TPR: variants seen among roughly 807,000 people sequenced by gnomAD.
TPR encodes nucleoprotein TPR.
Under a neutral mutation model 316.1 loss-of-function variants are expected in TPR, and 51 were observed. That is an observed-to-expected ratio of 0.16 (90% CI 0.13 to 0.20). The LOEUF (loss-of-function observed/expected upper bound fraction) is 0.20. Ranked by LOEUF, TPR falls within the 10% of genes least tolerant of loss-of-function variation. The pLI is 1.00. For synonymous variants in TPR, 981 were observed against 914.7 expected (o/e 1.07, Z -1.31); for missense variants, 2,272 against 2,754.8 (o/e 0.82, Z 3.92).
rs762807218 is a variant in TPR at position 186,347,355 on chromosome 1, G to A, written c.2880C>T (p.Ser960=). The A allele has an allele frequency of 8.7e-6, 14 of 1,613,928 alleles. No individual in the cohort carries two copies. The highest frequency in any genetic ancestry group is 1.7e-4 in the Middle Eastern group (1 of 6,058). ...CCATTGCTTGATATTGTTCCACATT[G>A]CTCGTACTTGTTTTGAGTCTCTCCT... The part of the protein sequence containing the change: ...DLKERLKTST[S]NVEQYQAMVT... The change falls in exon 22 of 51, where the codon AGC becomes AGT. Residue 960 remains serine (S), a synonymous_variant. Coordinates refer to ENST00000367478, the MANE Select transcript of TPR (RefSeq NM_003292.3).
rs918301815 is a variant in TPR at position 186,311,847 on chromosome 1, A to G, written c.*2124T>C. On this transcript the variant is annotated 3_prime_UTR_variant, in exon 51 of 51. Coordinates refer to ENST00000367478, the MANE Select transcript of TPR (RefSeq NM_003292.3). ...AATGTCATTTACTTTCGCTTCACAA[A>G]TGTGCATGTCATCCTTGCACAAGGG... 1.7e-6 allele frequency: 1 copy of G among 572,846 alleles called. No individual in the cohort carries two copies. The highest frequency in any genetic ancestry group is 2.1e-5 in the South Asian group (1 of 48,000). The allele number at this position is 572,846 out of a possible 1,614,324, so 35.5% of individuals were successfully genotyped here.
chr1:186,346,374 GAAGT>G, intron 22 of TPR, 87 bp from the exon 23 acceptor site: 5 of 1,299,038 alleles, frequency 3.8e-6, no homozygotes, highest in Non-Finnish European at 5.2e-6. Context: ...ACTAATTTGA[GAAGT>G]AATAAAATTA....
At chr1:186,359,657 G>A in intron 12 of TPR, 142 bp downstream of exon 12, 1 of 768,226 alleles carries the variant, frequency 1.3e-6, no homozygotes, top group Non-Finnish European at 2.0e-6. Flanking sequence ...GAGATCAGCA[G>A]TGTTTAATAA....
chr1:186,362,741 T>C (rs1364767982), intron 6 of TPR, 96 bp downstream of exon 6: 2 of 1,107,190 alleles, frequency 1.8e-6, no homozygotes, highest in African/African-American at 1.6e-5. Context: ...ATCTTACAAC[T>C]AATCAGGTAC....
Position 186,346,003 on chromosome 1 carries a change from ATAAAAC to A in TPR, c.3096+126_3096+131del, listed in dbSNP as rs1360030520. On this transcript the variant is annotated intron_variant, in intron 23 of 50. Transcript: ENST00000367478. ...ATAGAGGTACAGAAAAGAGTAAAAC[ATAAAAC>A]TAAAATTTTGCCTATGTGTTCAATA... 1.9e-5 allele frequency: 20 copies of A among 1,031,410 alleles called. No homozygotes were observed. In the Middle Eastern group the frequency reaches 1.3e-3, roughly 67 times the overall value. The allele number at this position is 1,031,410 out of a possible 1,614,324, so 63.9% of individuals were successfully genotyped here.
At chr1:186,342,710 G>T (rs3766704) in intron 27 of TPR, 28,465 of 152,030 alleles carry the variant, frequency 0.19, 3,019 homozygotes, top group African/African-American at 0.29. Context: ...TCTAGAGGTG[G>T]GGGTATATTA....
intron 37 of TPR, 124 bp from the exon 38 acceptor site, chr1:186,332,467 T>C (rs1658193939): frequency 3.0e-6 from 3 of 1,003,816 alleles, no homozygotes; most frequent in Non-Finnish European, 4.3e-6. Context: ...TACAGATTAC[T>C]AAAATACAAT....
chr1:186,352,738 C>T (rs1383970352), intron 18 of TPR, among the ~76,000 whole-genome samples: 4 of 152,164 alleles, frequency 2.6e-5, no homozygotes, highest in African/African-American at 9.7e-5. Context: ...ATAAAGAATA[C>T]AGCCTTATAA....
At chr1:186,324,650 TG>T (rs1479903164) in intron 42 of TPR, among the ~76,000 whole-genome samples, 17 of 152,316 alleles carry the variant, frequency 1.1e-4, no homozygotes, top group African/African-American at 4.1e-4. Flanking sequence ...GATTCTTCAT[TG>T]ATACCTAAAC....
At chr1:186,326,079 A>G (rs1008188482) in intron 41 of TPR, 25 bp downstream of exon 41, 1 of 1,613,512 alleles carries the variant, frequency 6.2e-7, no homozygotes, top group Non-Finnish European at 8.5e-7. Context: ...AAGAACTATG[A>G]ATGGTTAAAA....
intron 36 of TPR, among the ~76,000 whole-genome samples, 177 bp from the exon 37 acceptor site, chr1:186,333,571 G>C (rs1032216389): frequency 6.6e-6 from 1 of 152,004 alleles, no homozygotes; most frequent in Non-Finnish European, 1.5e-5. Flanking sequence ...AATTGATATG[G>C]TAGCATGCAA....
chr1:186,357,620 T>G lies in TPR; in HGVS notation c.1501A>C (p.Arg501=). The change falls in exon 14 of 51, where the codon AGA becomes CGA. Residue 501 remains arginine (R), a synonymous_variant. Transcript: ENST00000367478. ...IQVKDLSQQI[R]VLLMELEEAR... ...TCTTCAAGTTCCATCAAAAGCACTC[T>G]AATCTAAAAACAAAGTTTTAATATG... 3 of 1,610,380 alleles carry G rather than the reference T, an allele frequency of 1.9e-6. No individual in the cohort carries two copies. Among genetic ancestry groups the G allele is most frequent in the Middle Eastern group, 3.3e-4 (2 of 6,042 alleles).
intron 40 of TPR, among the ~76,000 whole-genome samples, 177 bp downstream of exon 40, chr1:186,327,283 A>T (rs1276942842): frequency 1.4e-5 from 1 of 69,478 alleles, no homozygotes; most frequent in Non-Finnish European, 2.7e-5. Flanking sequence ...TTTATATATA[A>T]TATATATAAA....
At chr1:186,359,700 A>C in intron 12 of TPR, 99 bp downstream of exon 12, 2 of 1,202,892 alleles carry the variant, frequency 1.7e-6, no homozygotes, top group East Asian at 5.5e-5. Context: ...AATCGTATTT[A>C]GATTTTTCTG....
rs12239609 is a variant in TPR at position 186,330,063 on chromosome 1, T to C, written c.5688+1435A>G. ...ATTTCTTAGATCAACATTTGGCATA[T>C]AGTAATGAGTTCTGTGTTAAATATT... On this transcript the variant is annotated intron_variant, in intron 39 of 50. Coordinates refer to ENST00000367478, the MANE Select transcript of TPR (RefSeq NM_003292.3). 7.2e-3 allele frequency among the ~76,000 whole-genome samples: 1,100 copies of C among 152,238 alleles called. 11 individuals are homozygous for C. The highest frequency in any genetic ancestry group is 0.024 in the African/African-American group (997 of 41,546).
intron 45 of TPR, among the ~76,000 whole-genome samples, chr1:186,322,055 C>G (rs1350853402): frequency 6.6e-6 from 1 of 152,210 alleles, no homozygotes; most frequent in Non-Finnish European, 1.5e-5. Context: ...CAAACACAGG[C>G]ATTCTAACTC....
At chr1:186,333,099 C>T (rs1658221910) in intron 37 of TPR, 23 bp downstream of exon 37, 1 of 1,610,344 alleles carries the variant, frequency 6.2e-7, no homozygotes, top group Admixed American at 1.7e-5. Context: ...TCTACTCTGA[C>T]TTCATTTTAA....
At position 186,350,273 on chromosome 1, in the gene TPR, C is replaced by A; in HGVS notation, c.2726G>T (p.Ser909Ile). The change falls in exon 21 of 51, where the codon AGT becomes ATT. Residue 909 changes from serine to isoleucine, a missense_variant. Coordinates refer to ENST00000367478, the MANE Select transcript of TPR (RefSeq NM_003292.3). ...KEIATLKQHLSNMEVQVASQS... is the reference protein window; with the variant it reads ...KEIATLKQHLINMEVQVASQS... ...AGAAGCAACTTGGACTTCCATATTA[C>A]TGAGGTGCTGTTTCAATGTGGCAAT... The A allele has an allele frequency of 1.2e-6, 2 of 1,613,564 alleles. No homozygotes were observed. Among genetic ancestry groups the A allele is most frequent in the South Asian group, 1.1e-5 (1 of 90,966 alleles).
At chr1:186,327,788 A>AT (rs11384941) in intron 39 of TPR, 128 bp from the exon 40 acceptor site, 30,670 of 673,374 alleles carry the variant, frequency 0.046, 89 homozygotes, top group East Asian at 0.083. Context: ...ATTTAATTTA[A>AT]TTTTTTTTTT....
Sources: allele counts gnomAD v4.1 joint callset (sites outside exome capture counted in the v4.1 genomes callset), GRCh38; gene constraint gnomAD v4.1.1; transcripts MANE v1.5; gene names NCBI Gene and HGNC (gene_info 2026-07-23, HGNC 2026-07-21).